GYS2: variants seen among roughly 807,000 people sequenced by gnomAD.
GYS2 encodes glycogen synthase 2.
In GYS2, 80 loss-of-function variants were observed where a neutral mutation model predicts 85.6. The ratio of observed to expected loss-of-function variants is 0.93; its 90% CI spans 0.78 to 1.13. GYS2 has a LOEUF of 1.13. Ranked by LOEUF, GYS2 falls within the 50% of genes most tolerant of loss-of-function variation. The pLI is 0.00. For missense variants in GYS2, 881 were observed against 854.9 expected, an observed-to-expected ratio of 1.03 and a Z score of -0.38; for synonymous variants, 328 against 300.7, an observed-to-expected ratio of 1.09 and a Z score of -0.94.
intron 1 of GYS2, among the ~76,000 whole-genome samples, chr12:21,587,680 T>C (rs906354404): frequency 2.0e-5 from 3 of 152,060 alleles, no homozygotes; most frequent in Non-Finnish European, 4.4e-5. Flanking sequence ...ATAAGCAGCA[T>C]GATAACGAAC....
At chr12:21,555,272 A>G (rs910568891) in intron 11 of GYS2, among the ~76,000 whole-genome samples, 5 of 152,170 alleles carry the variant, frequency 3.3e-5, no homozygotes, top group African/African-American at 4.8e-5. Flanking sequence ...CTCTGTGGAT[A>G]TAATAATACT....
At chr12:21,559,041 GATAGAATTTAATAACTATGGGAC>G in intron 10 of GYS2, 27 bp downstream of exon 10, 3 of 1,039,192 alleles carry the variant, frequency 2.9e-6, no homozygotes, top group Non-Finnish European at 4.5e-6. Context: ...ATACTGATTA[GATAGAATTTAATAACTATGGGAC>G]ATAGTGGGTG....
At chr12:21,539,741 G>GT (rs978637268) in intron 14 of GYS2, among the ~76,000 whole-genome samples, 3 of 152,198 alleles carry the variant, frequency 2.0e-5, no homozygotes, top group African/African-American at 7.2e-5. Context: ...AAAGCCTAGT[G>GT]TATCTATCTT....
At position 21,539,283 on chromosome 12, in the gene GYS2, T is replaced by G; in HGVS notation, c.1865A>C (p.His622Pro). Residue 622 changes from histidine to proline, a missense_variant, in exon 15 of 16, where the codon CAT becomes CCT. Coordinates refer to ENST00000261195, the MANE Select transcript of GYS2 (RefSeq NM_021957.4). Reference sequence around the variant, plus strand: ...CGTTGGTGGTGATGTTAGTTCCACATGGAATTTATCTGGAAAAGCTCTGCT... The same window carrying G: ...CGTTGGTGGTGATGTTAGTTCCACAGGGAATTTATCTGGAAAAGCTCTGCT... ...TLSRAFPDKF[H>P]VELTSPPTTE... is the part of the protein sequence containing the mutation. 3 of 1,599,840 alleles carry G rather than the reference T, an allele frequency of 1.9e-6. No individual in the cohort carries two copies. Among genetic ancestry groups the G allele is most frequent in the South Asian group, 1.1e-5 (1 of 90,746 alleles).
chr12:21,589,699 T>G (rs1382184681), intron 1 of GYS2, among the ~76,000 whole-genome samples: 3 of 152,158 alleles, frequency 2.0e-5, no homozygotes, highest in African/African-American at 7.2e-5. Context: ...ATCTGCATTA[T>G]GGACTCCAGG....
intron 2 of GYS2, among the ~76,000 whole-genome samples, chr12:21,578,537 T>A (rs1276842516): frequency 6.6e-6 from 1 of 152,120 alleles, no homozygotes; most frequent in Non-Finnish European, 1.5e-5. Context: ...GTCCAAAAAT[T>A]CCTTGAACAC....
At chr12:21,534,305 G>C (rs2136826940), downstream of GYS2, among the ~76,000 whole-genome samples, 1 of 152,228 alleles carries the variant, frequency 6.6e-6, no homozygotes, top group Non-Finnish European at 1.5e-5. Context: ...GAGGCCAGAA[G>C]TTCAAAGACC....
intron 2 of GYS2, among the ~76,000 whole-genome samples, chr12:21,578,054 T>C (rs1257886898): frequency 6.6e-6 from 1 of 152,128 alleles, no homozygotes; most frequent in Non-Finnish European, 1.5e-5. Flanking sequence ...CTGCATTCTT[T>C]CCTTGTCAAA....
At chr12:21,586,185 G>A (rs1230918567) in intron 1 of GYS2, among the ~76,000 whole-genome samples, 1 of 151,818 alleles carries the variant, frequency 6.6e-6, no homozygotes, top group Non-Finnish European at 1.5e-5. Flanking sequence ...GTGTGGCCAG[G>A]ATATAAAGCA....
chr12:21,554,171 G>A (rs1004720382), intron 11 of GYS2, among the ~76,000 whole-genome samples: 18 of 151,578 alleles, frequency 1.2e-4, no homozygotes, highest in Non-Finnish European at 2.5e-4. Flanking sequence ...AGGAAGGAAG[G>A]AGGGAAGGAA....
intron 1 of GYS2, among the ~76,000 whole-genome samples, chr12:21,594,036 G>C (rs369877531): frequency 6.6e-6 from 1 of 152,164 alleles, no homozygotes; most frequent in South Asian, 2.1e-4. Flanking sequence ...AAAAGTATTT[G>C]ATAAAATTTA....
intron 1 of GYS2, among the ~76,000 whole-genome samples, chr12:21,583,557 G>A (rs1944536132): frequency 6.6e-6 from 1 of 152,214 alleles, no homozygotes; most frequent in Non-Finnish European, 1.5e-5. Context: ...AATGATGCTT[G>A]AGGTGTCAGT....
intron 1 of GYS2, among the ~76,000 whole-genome samples, chr12:21,591,484 A>G (rs1944638359): frequency 6.6e-6 from 1 of 152,176 alleles, no homozygotes; most frequent in Non-Finnish European, 1.5e-5. Flanking sequence ...AGTGTATGTG[A>G]CATATGAGGC....
chr12:21,533,264 C>A (rs1943881938), downstream of GYS2, among the ~76,000 whole-genome samples: 1 of 152,178 alleles, frequency 6.6e-6, no homozygotes, highest in Non-Finnish European at 1.5e-5. Context: ...TGCCTTCGCT[C>A]CCTCAATACC....
intron 2 of GYS2, among the ~76,000 whole-genome samples, chr12:21,578,473 G>C (rs1354507055): frequency 6.6e-6 from 1 of 152,178 alleles, no homozygotes; most frequent in African/African-American, 2.4e-5. Flanking sequence ...CCTGGACAAA[G>C]TCACAGCCGT....
chr12:21,559,769 G>C, intron 8 of GYS2, 59 bp from the exon 9 acceptor site: 1 of 1,042,338 alleles, frequency 9.6e-7, no homozygotes, highest in Non-Finnish European at 1.5e-6. Context: ...ATCTTTATTT[G>C]TCACGATAAT....
At chr12:21,555,361 C>T (rs556203580) in intron 11 of GYS2, among the ~76,000 whole-genome samples, 12 of 152,190 alleles carry the variant, frequency 7.9e-5, no homozygotes, top group African/African-American at 2.6e-4. Context: ...TTGATGGATA[C>T]ATTCCTGCAT....
At chr12:21,546,270 A>G (rs374766073) in intron 12 of GYS2, 74 bp downstream of exon 12, 2 of 1,054,822 alleles carry the variant, frequency 1.9e-6, no homozygotes, top group Non-Finnish European at 2.7e-6. Flanking sequence ...TCAACTTTGA[A>G]TATTATATAT....
In GYS2 at chr12:21,540,581, A is replaced by G. The variant is rs534029032; in HGVS notation, c.1646-8T>C. 5.0e-6 allele frequency: 8 copies of G among 1,612,834 alleles called. No individual in the cohort carries two copies. In the East Asian group the frequency reaches 8.9e-5, roughly 18 times the overall value. The stretch of plus-strand genomic sequence containing the variant: ...TGTCAACGATGTAAATACCTGAAGA[A>G]CACAAAAGCCAAAGCACAAGTAAAA... On this transcript the variant is annotated splice_polypyrimidine_tract_variant and splice_region_variant and intron_variant, in intron 13 of 15. Transcript: ENST00000261195.
Sources: gnomAD v4.1 joint callset for allele counts (sites outside exome capture counted in the v4.1 genomes callset) on GRCh38, gnomAD v4.1.1 for gene constraint, MANE v1.5 for transcripts, NCBI Gene and HGNC (gene_info 2026-07-23, HGNC 2026-07-21) for gene names.